ACTL6A: variants seen among roughly 807,000 people sequenced by gnomAD.
The protein encoded by ACTL6A is actin like 6A, also known as actin-like protein 6A.
In ACTL6A, 5 loss-of-function variants were observed where a neutral mutation model predicts 59.2. That is an observed-to-expected ratio of 0.08 (90% CI 0.04 to 0.18). The LOEUF (loss-of-function observed/expected upper bound fraction) is 0.18, where lower values mean the gene tolerates loss of function less well. Among genes scored for constraint, ACTL6A ranks in the 10% least tolerant of loss-of-function variants. The pLI is 1.00. For synonymous variants in ACTL6A, 154 were observed against 171.8 expected, an observed-to-expected ratio of 0.90 and a Z score of 0.81; for missense variants, 285 against 526.9, an observed-to-expected ratio of 0.54 and a Z score of 4.49.
chr3:179,570,395 A>G lies in ACTL6A; in HGVS notation c.277+154A>G. 1.5e-6 allele frequency: 1 copy of G among 646,038 alleles called. No homozygotes were observed. The highest frequency in any genetic ancestry group is 1.8e-5 in the African/African-American group (1 of 54,230). The allele number at this position is 646,038 out of a possible 1,614,324, so 40.0% of individuals were successfully genotyped here. ...CTGATTTCCAGACACTGAGAATACAAAGATGCATAAGAAATGTTCCTTTTC... is the reference window on the plus strand; with the variant it reads ...CTGATTTCCAGACACTGAGAATACAGAGATGCATAAGAAATGTTCCTTTTC... On this transcript the variant is annotated intron_variant, in intron 3 of 13. Coordinates refer to ENST00000429709, the MANE Select transcript of ACTL6A (RefSeq NM_004301.5). The surrounding 1 kb of genome is among the most constrained non-coding windows in gnomAD (Gnocchi z 4.3).
intron 4 of ACTL6A, among the ~76,000 whole-genome samples, chr3:179,574,106 T>C (rs148756246): frequency 2.2e-4 from 34 of 152,296 alleles, no homozygotes; most frequent in African/African-American, 8.2e-4. Context: ...TTTCCTCATA[T>C]GTGGAAAAGT....
At chr3:179,569,129 A>G (rs1717925811) in intron 1 of ACTL6A, among the ~76,000 whole-genome samples, 1 of 152,148 alleles carries the variant, frequency 6.6e-6, no homozygotes, top group East Asian at 1.9e-4. Context: ...TGGTGGAGGG[A>G]GGTTGCTGGT....
intron 11 of ACTL6A, among the ~76,000 whole-genome samples, chr3:179,582,473 G>C (rs959604832): frequency 2.6e-5 from 4 of 152,186 alleles, no homozygotes; most frequent in African/African-American, 9.7e-5. Flanking sequence ...TTTTGGAAAA[G>C]CTCCCATGTG....
In ACTL6A at chr3:179,588,051, C is replaced by G; in HGVS notation, c.*41C>G. 1 of 1,430,688 alleles carries G rather than the reference C, an allele frequency of 7.0e-7. No homozygotes were observed. The highest frequency in any genetic ancestry group is 1.5e-5 in the African/African-American group (1 of 68,828). The allele number at this position is 1,430,688 out of a possible 1,614,324, so 88.6% of individuals were successfully genotyped here. Reference sequence around the variant, plus strand: ...CTTCTACCTTCCTTTTGTCACCTTACGTTTCATAGCTTTAGTATACTCAGG... The same window carrying G: ...CTTCTACCTTCCTTTTGTCACCTTAGGTTTCATAGCTTTAGTATACTCAGG... On this transcript the variant is annotated 3_prime_UTR_variant, in exon 14 of 14. Coordinates refer to ENST00000429709, the MANE Select transcript of ACTL6A (RefSeq NM_004301.5).
At chr3:179,569,064 T>C (rs534956788) in intron 1 of ACTL6A, among the ~76,000 whole-genome samples, 4 of 152,216 alleles carry the variant, frequency 2.6e-5, no homozygotes, top group Non-Finnish European at 5.9e-5. Flanking sequence ...ATGACTAAAT[T>C]GCCCATAGTG....
chr3:179,562,977 G>T lies in ACTL6A; in HGVS notation c.-116G>T. ...GGACGCCGCTTTGTTGCCTGAGGTG[G>T]GTGGCGGTGGAAGTTAAGGGAGTCA... On this transcript the variant is annotated 5_prime_UTR_variant, in exon 1 of 14. Coordinates refer to ENST00000429709, the MANE Select transcript of ACTL6A (RefSeq NM_004301.5). 1 of 1,374,734 alleles carries T rather than the reference G, an allele frequency of 7.3e-7. No individual in the cohort carries two copies. The highest frequency in any genetic ancestry group is 1.0e-6 in the Non-Finnish European group (1 of 995,374). The allele number at this position is 1,374,734 out of a possible 1,614,324, so 85.2% of individuals were successfully genotyped here. A position where few individuals can be genotyped will look rare whatever the true frequency, so the allele number is the denominator to read the frequency against.
At chr3:179,583,913 G>A (rs1718406890) in intron 12 of ACTL6A, among the ~76,000 whole-genome samples, 1 of 152,190 alleles carries the variant, frequency 6.6e-6, no homozygotes, top group South Asian at 2.1e-4. Context: ...TCTAGATGGA[G>A]GGAATAAAAC....
In ACTL6A at chr3:179,569,765, GT is replaced by G. The variant is rs756224281; in HGVS notation, c.26-58del. The stretch of plus-strand genomic sequence containing the variant: ...TAGGAGGTTGAGGCTGCAGTGAGCT[GT>G]GATTTTCATATGATACTTTTGCAAG... On this transcript the variant is annotated intron_variant, in intron 1 of 13. Coordinates refer to ENST00000429709, the MANE Select transcript of ACTL6A (RefSeq NM_004301.5). The G allele has an allele frequency of 3.4e-6, 5 of 1,480,514 alleles. No homozygotes were observed. The East Asian group carries it at 1.1e-4, about 34-fold the overall frequency. 91.7% of individuals were successfully genotyped at this position (1,480,514 alleles called of 1,614,324 possible). A position where few individuals can be genotyped will look rare whatever the true frequency, so the allele number is the denominator to read the frequency against.
At position 179,586,528 on chromosome 3, in the gene ACTL6A, C is replaced by A; in HGVS notation, c.1123-18C>A. On this transcript the variant is annotated intron_variant, in intron 12 of 13. Coordinates refer to ENST00000429709, the MANE Select transcript of ACTL6A (RefSeq NM_004301.5). ...GTCACAAGATTTGATTGTACTAATGCATATTCTTCTATTTCAGAGTATGCG... is the reference window on the plus strand; with the variant it reads ...GTCACAAGATTTGATTGTACTAATGAATATTCTTCTATTTCAGAGTATGCG... The A allele has an allele frequency of 1.3e-6, 2 of 1,489,632 alleles. No homozygotes were observed. The highest frequency in any genetic ancestry group is 1.8e-6 in the Non-Finnish European group (2 of 1,105,064). 92.3% of individuals were successfully genotyped at this position (1,489,632 alleles called of 1,614,324 possible). A position where few individuals can be genotyped will look rare whatever the true frequency, so the allele number is the denominator to read the frequency against.
intron 8 of ACTL6A, 52 bp from the exon 9 acceptor site, chr3:179,580,588 A>G: frequency 1.6e-6 from 2 of 1,257,734 alleles, no homozygotes; most frequent in South Asian, 2.7e-5. Context: ...AAAAGTATAG[A>G]TTACAAAGAT....
chr3:179,565,486 A>T (rs1028246517), intron 1 of ACTL6A, among the ~76,000 whole-genome samples: 2 of 149,340 alleles, frequency 1.3e-5, no homozygotes, highest in African/African-American at 4.9e-5. Context: ...ATTATATATT[A>T]TATGTTATAT....
At chr3:179,587,109 C>T (rs1718519056) in intron 13 of ACTL6A, among the ~76,000 whole-genome samples, 1 of 152,048 alleles carries the variant, frequency 6.6e-6, no homozygotes, top group Non-Finnish European at 1.5e-5. Flanking sequence ...ACAAAAAGTC[C>T]TTGTACTTTT....
Position 179,570,130 on chromosome 3 carries a change from A to G in ACTL6A, c.166A>G (p.Ile56Val), listed in dbSNP as rs775188297. ...AGATGACGGAAGCACATTAATGGAA[A>G]TAGATGGCGATAAAGGCAAACAAGG... is the stretch of plus-strand genomic sequence containing the variant. Reference protein sequence around the residue: ...ERDDGSTLMEIDGDKGKQGGP... With the variant: ...ERDDGSTLMEVDGDKGKQGGP... Residue 56 changes from isoleucine to valine, a missense_variant, in exon 3 of 14, where the codon ATA (isoleucine) becomes GTA (valine). Physicochemically the swap from Ile to Val is conservative, Grantham distance 29. Transcript: ENST00000429709. This position sits in a 1 kb window ranked among gnomAD's most constrained non-coding sequence, Gnocchi z 4.3. 1.9e-6 allele frequency: 3 copies of G among 1,614,076 alleles called. No individual in the cohort carries two copies. The Admixed American group carries it at 5.0e-5, about 27-fold the overall frequency.
intron 8 of ACTL6A, among the ~76,000 whole-genome samples, chr3:179,577,188 A>C (rs551080045): frequency 3.3e-5 from 5 of 152,122 alleles, no homozygotes; most frequent in African/African-American, 1.2e-4. Flanking sequence ...ACAAATTACT[A>C]CATACTCACT....
intron 10 of ACTL6A, 29 bp from the exon 11 acceptor site, chr3:179,581,111 A>T: frequency 6.2e-7 from 1 of 1,609,602 alleles, no homozygotes; most frequent in South Asian, 1.1e-5. Context: ...AAGAGCTTCC[A>T]TGTGACTACT....
chr3:179,583,430 G>A lies in ACTL6A; in HGVS notation c.1104G>A (p.Leu368=). ...TTACTGACAGGTTGAATAGAGAGCT[G>A]TCTCAGAAAACTCCTCCAGTAAGTT... ...QSFTDRLNRE[L]SQKTPPSMRL... is the part of the protein sequence containing the mutation. The change falls in exon 12 of 14, where the codon CTG becomes CTA. Residue 368 remains leucine (L), a synonymous_variant. Coordinates refer to ENST00000429709, the MANE Select transcript of ACTL6A (RefSeq NM_004301.5). The A allele has an allele frequency of 1.2e-6, 2 of 1,612,940 alleles. No homozygotes were observed. The highest frequency in any genetic ancestry group is 2.7e-5 in the African/African-American group (2 of 74,986).
chr3:179,572,104 A>G (rs913078956), intron 3 of ACTL6A, among the ~76,000 whole-genome samples: 1 of 152,176 alleles, frequency 6.6e-6, no homozygotes, highest in African/African-American at 2.4e-5. Context: ...GTTGCATTTT[A>G]TTACTCTGAA....
At chr3:179,569,928 T>C in intron 2 of ACTL6A, 28 bp downstream of exon 2, 1 of 1,601,378 alleles carries the variant, frequency 6.2e-7, no homozygotes, top group Non-Finnish European at 8.5e-7. Context: ...GTTAATTGGA[T>C]ATGTAAAGCC....
In ACTL6A at chr3:179,569,807, A is replaced by G; in HGVS notation, c.26-17A>G. On this transcript the variant is annotated splice_polypyrimidine_tract_variant and intron_variant, in intron 1 of 13. Coordinates refer to ENST00000429709, the MANE Select transcript of ACTL6A (RefSeq NM_004301.5). ...CTTTTGCAAGCTGTTAATGCTAATT[A>G]TCTTTAATCTTTTCAGATGAAGTTG... 6.2e-7 allele frequency: 1 copy of G among 1,610,710 alleles called. No individual in the cohort carries two copies. Among genetic ancestry groups the G allele is most frequent in the East Asian group, 2.2e-5 (1 of 44,858 alleles).
Sources: allele counts gnomAD v4.1 joint callset (sites outside exome capture counted in the v4.1 genomes callset), GRCh38; gene constraint gnomAD v4.1.1; non-coding constraint Gnocchi (gnomAD v3.1); transcripts MANE v1.5; gene names NCBI Gene and HGNC (gene_info 2026-07-23, HGNC 2026-07-21).